CEP85L: variants seen among roughly 807,000 people sequenced by gnomAD.
CEP85L encodes centrosomal protein 85L.
A neutral mutation model predicts 100.3 loss-of-function variants in CEP85L; 60 were observed. The ratio of observed to expected loss-of-function variants is 0.60; its 90% CI spans 0.49 to 0.74. CEP85L has a LOEUF of 0.74. Among genes scored for constraint, CEP85L ranks in the 30% least tolerant of loss-of-function variants. The pLI is 0.00. For missense variants in CEP85L, 973 were observed against 936.2 expected (o/e 1.04, Z -0.51); for synonymous variants, 319 against 322.7 (o/e 0.99, Z 0.12).
In CEP85L at chr6:118,624,405, C is replaced by A. The variant is rs893427702; in HGVS notation, c.232+8048G>T. On this transcript the variant is annotated intron_variant, in intron 2 of 12. Transcript: ENST00000368491. ...TTTAACAATTTACTCCTTCTTCCCT[C>A]CTCCTTTCTACTACCGCTCCACCTA... Among the ~76,000 whole-genome samples, 10 of 152,220 alleles carry A rather than the reference C, an allele frequency of 6.6e-5. No individual in the cohort carries two copies. In the South Asian group the frequency reaches 2.1e-3, roughly 32 times the overall value.
At chr6:118,689,995 C>T (rs575440761) in intron 1 of CEP85L, among the ~76,000 whole-genome samples, 18 of 151,466 alleles carry the variant, frequency 1.2e-4, no homozygotes, top group Admixed American at 1.1e-3. Flanking sequence ...CTCAAGCAAT[C>T]CTCCTGCCTT....
At chr6:118,673,534 G>T (rs1404403321) in intron 1 of CEP85L, among the ~76,000 whole-genome samples, 3 of 152,224 alleles carry the variant, frequency 2.0e-5, no homozygotes, top group African/African-American at 7.2e-5. Context: ...AGCGTACTGA[G>T]TAGTATCTCA....
At chr6:118,501,466 T>C (rs1775295820) in intron 5 of CEP85L, 3 of 409,674 alleles carry the variant, frequency 7.3e-6, no homozygotes, top group East Asian at 6.7e-5. Flanking sequence ...AGAGAAAAGA[T>C]CCAAGTGCTC....
intron 3 of CEP85L, among the ~76,000 whole-genome samples, chr6:118,554,658 T>C (rs1778747047): frequency 1.3e-5 from 2 of 152,194 alleles, no homozygotes; most frequent in South Asian, 2.1e-4. Context: ...GATATCCTCA[T>C]ATAGATAACA....
At chr6:118,649,047 T>A (rs997241185) in intron 1 of CEP85L, among the ~76,000 whole-genome samples, 5 of 152,156 alleles carry the variant, frequency 3.3e-5, no homozygotes, top group Non-Finnish European at 2.9e-5. Context: ...ATGAATCAAC[T>A]CAGAGGTCAT....
chr6:118,489,893 A>T (rs1222756342), intron 6 of CEP85L, among the ~76,000 whole-genome samples: 1 of 152,168 alleles, frequency 6.6e-6, no homozygotes. Flanking sequence ...CTAAATATCC[A>T]GCAACAGGTG....
chr6:118,578,684 G>A lies in CEP85L; in HGVS notation c.233-12368C>T, dbSNP rs767442972. On this transcript the variant is annotated intron_variant, in intron 2 of 12. Transcript: ENST00000368491. ...GCGGACGTTGCCATGAGCCGAGACC[G>A]CGCCACTGCACTCCAGCCTGGTGAC... Among the ~76,000 whole-genome samples the A allele has an allele frequency of 1.2e-4, 18 of 152,078 alleles. No individual in the cohort carries two copies. The South Asian group carries it at 1.2e-3, about 11-fold the overall frequency.
chr6:118,467,062 TACTC>T (rs1772579273), intron 12 of CEP85L, among the ~76,000 whole-genome samples: 2 of 152,062 alleles, frequency 1.3e-5, no homozygotes, highest in African/African-American at 4.8e-5. Flanking sequence ...ATGGTGGTGT[TACTC>T]ACTGAGAAGA....
At chr6:118,542,592 C>CA (rs57250029) in intron 3 of CEP85L, among the ~76,000 whole-genome samples, 72,308 of 151,680 alleles carry the variant, frequency 0.48, 17,608 homozygotes, top group Middle Eastern at 0.58. Context: ...CAGAAAGATT[C>CA]ATTTTCTGAA....
At chr6:118,579,084 C>T (rs1362247561) in intron 2 of CEP85L, among the ~76,000 whole-genome samples, 10 of 152,238 alleles carry the variant, frequency 6.6e-5, no homozygotes, top group African/African-American at 2.2e-4. Flanking sequence ...ATTGTAGAGA[C>T]ATTGTTTCAC....
chr6:118,646,215 T>C (rs1027855210), intron 1 of CEP85L, among the ~76,000 whole-genome samples: 3 of 151,646 alleles, frequency 2.0e-5, no homozygotes, highest in African/African-American at 7.3e-5. Context: ...AGATTCTGTC[T>C]AAAAAAAAAG....
intron 1 of CEP85L, among the ~76,000 whole-genome samples, chr6:118,709,436 G>A (rs957981844): frequency 1.3e-5 from 2 of 152,034 alleles, no homozygotes; most frequent in South Asian, 2.1e-4. Context: ...CTCCCCACTC[G>A]GCTTTCTGGA....
At chr6:118,641,128 T>C (rs1377707240) in intron 1 of CEP85L, among the ~76,000 whole-genome samples, 2 of 152,140 alleles carry the variant, frequency 1.3e-5, no homozygotes, top group Admixed American at 6.5e-5. Context: ...CCCACTCTCT[T>C]CCAAGTTTTT....
At chr6:118,592,589 T>C (rs1394509788) in intron 2 of CEP85L, among the ~76,000 whole-genome samples, 2 of 152,104 alleles carry the variant, frequency 1.3e-5, no homozygotes, top group Admixed American at 1.3e-4. Flanking sequence ...TATTCACCAA[T>C]GAATTGACTG....
At chr6:118,517,847 A>G (rs1776373176) in intron 4 of CEP85L, among the ~76,000 whole-genome samples, 1 of 152,198 alleles carries the variant, frequency 6.6e-6, no homozygotes, top group African/African-American at 2.4e-5. Context: ...GATTTTGCCC[A>G]TTCATTATGA....
intron 5 of CEP85L, chr6:118,501,304 G>A (rs920822490): frequency 1.9e-5 from 7 of 365,582 alleles, no homozygotes; most frequent in South Asian, 6.4e-5. Flanking sequence ...CAGGCCAGGC[G>A]AGGTGGAGGA....
At chr6:118,675,777 G>A (rs1369336709) in intron 1 of CEP85L, among the ~76,000 whole-genome samples, 1 of 152,038 alleles carries the variant, frequency 6.6e-6, no homozygotes, top group Non-Finnish European at 1.5e-5. Flanking sequence ...AAATGAAATG[G>A]AAGCAGTAAA....
intron 3 of CEP85L, among the ~76,000 whole-genome samples, chr6:118,550,859 T>C (rs1487788795): frequency 6.6e-6 from 1 of 151,890 alleles, no homozygotes; most frequent in Non-Finnish European, 1.5e-5. Context: ...TGCATAGCAT[T>C]ACATTCTTAA....
At chr6:118,658,486 C>A (rs967613635) in intron 1 of CEP85L, among the ~76,000 whole-genome samples, 1 of 152,022 alleles carries the variant, frequency 6.6e-6, no homozygotes, top group Non-Finnish European at 1.5e-5. Context: ...TCCTGCCGTC[C>A]TTATAATCTC....
Sources: allele counts gnomAD v4.1 joint callset (sites outside exome capture counted in the v4.1 genomes callset), GRCh38; gene constraint gnomAD v4.1.1; transcripts MANE v1.5; gene names NCBI Gene and HGNC (gene_info 2026-07-23, HGNC 2026-07-21).